The following RBFOX1 variants were observed in gnomAD, a reference collection of about 807,000 sequenced individuals.
The protein encoded by RBFOX1 is RNA binding fox-1 homolog 1.
In RBFOX1, 8 loss-of-function variants were observed where a neutral mutation model predicts 57.7. That is an observed-to-expected ratio of 0.14 (90% CI 0.08 to 0.25). The LOEUF is 0.25. Among genes scored for constraint, RBFOX1 ranks in the 10% least tolerant of loss-of-function variants. RBFOX1 has a pLI of 1.00. For synonymous variants in RBFOX1, 326 were observed against 222.4 expected, an observed-to-expected ratio of 1.47 and a Z score of -4.15; for missense variants, 611 against 548.5, an observed-to-expected ratio of 1.11 and a Z score of -1.14.
At chr16:6,931,304 T>C (rs540646346) in intron 3 of RBFOX1, among the ~76,000 whole-genome samples, 238 of 119,060 alleles carry the variant, frequency 2.0e-3, no homozygotes, top group African/African-American at 8.1e-3. Flanking sequence ...TGTCTATCTA[T>C]CTATCTATCT....
intron 2 of RBFOX1, among the ~76,000 whole-genome samples, chr16:5,580,072 G>A (rs879819639): frequency 6.6e-6 from 1 of 152,130 alleles, no homozygotes. Flanking sequence ...CGCCCAGCTG[G>A]CAGTTAATTC....
At chr16:7,336,003 G>A (rs1466259653) in intron 4 of RBFOX1, among the ~76,000 whole-genome samples, 1 of 152,156 alleles carries the variant, frequency 6.6e-6, no homozygotes, top group African/African-American at 2.4e-5. Context: ...TACAAATATT[G>A]GCTGCTTTCC....
At chr16:5,358,859 A>G (rs1217936163) in intron 1 of RBFOX1, among the ~76,000 whole-genome samples, 5 of 152,144 alleles carry the variant, frequency 3.3e-5, no homozygotes, top group Non-Finnish European at 5.9e-5. Context: ...ATTCAGTCAT[A>G]TTGACTATAG....
At chr16:6,522,645 C>T (rs150852863) in intron 2 of RBFOX1, among the ~76,000 whole-genome samples, 7 of 152,110 alleles carry the variant, frequency 4.6e-5, no homozygotes, top group South Asian at 2.1e-4. Flanking sequence ...CATTCAGTAC[C>T]GGGGTTAATA....
At chr16:5,777,484 G>T (rs561861221) in intron 3 of RBFOX1, among the ~76,000 whole-genome samples, 1 of 152,306 alleles carries the variant, frequency 6.6e-6, no homozygotes, top group South Asian at 2.1e-4. Context: ...TTGAGGGGTC[G>T]TTGTGAGAGT....
chr16:5,359,673 C>G (rs1596651228), intron 1 of RBFOX1, among the ~76,000 whole-genome samples: 1 of 152,102 alleles, frequency 6.6e-6, no homozygotes, highest in Non-Finnish European at 1.5e-5. Context: ...TAGACTTTTC[C>G]TATTGAGTCG....
At chr16:7,243,795 C>G (rs1166644814) in intron 4 of RBFOX1, among the ~76,000 whole-genome samples, 1 of 152,110 alleles carries the variant, frequency 6.6e-6, no homozygotes, top group Non-Finnish European at 1.5e-5. Context: ...AGTGATCCTC[C>G]TTGCCTAGCC....
rs926807015 is a variant in RBFOX1, at chr16:5,993,116, G to A, written c.351+125781G>A. Reference sequence around the variant, plus strand: ...TCCTGTCTAAAACTGAAAGAGATACGGAACAAGCCATGTCCTCAAGGTTGA... The same window carrying A: ...TCCTGTCTAAAACTGAAAGAGATACAGAACAAGCCATGTCCTCAAGGTTGA... On this transcript the variant is annotated intron_variant, in intron 4 of 19. Coordinates refer to the RBFOX1 transcript ENST00000641259. Among the ~76,000 whole-genome samples the A allele has an allele frequency of 4.6e-5, 7 of 152,166 alleles. No homozygotes were observed. In the East Asian group the frequency reaches 7.8e-4, roughly 17 times the overall value.
At chr16:7,040,143 C>T (rs1283452731) in intron 3 of RBFOX1, among the ~76,000 whole-genome samples, 1 of 152,022 alleles carries the variant, frequency 6.6e-6, no homozygotes, top group Non-Finnish European at 1.5e-5. Context: ...GCCTCAGCCT[C>T]CCGAGTAGCT....
At chr16:6,999,584 T>C (rs1352997485) in intron 3 of RBFOX1, among the ~76,000 whole-genome samples, 1 of 152,138 alleles carries the variant, frequency 6.6e-6, no homozygotes, top group East Asian at 1.9e-4. Context: ...TCATATGCTT[T>C]ACAGCAGATT....
chr16:5,804,338 T>C (rs866907080), intron 3 of RBFOX1, among the ~76,000 whole-genome samples: 12 of 152,200 alleles, frequency 7.9e-5, no homozygotes, highest in South Asian at 2.1e-4. Flanking sequence ...AATGAATGAA[T>C]ACACAAGTGA....
intron 3 of RBFOX1, among the ~76,000 whole-genome samples, chr16:6,741,658 G>C (rs989916789): frequency 6.9e-6 from 1 of 145,736 alleles, no homozygotes; most frequent in Admixed American, 6.9e-5. Context: ...GACAGAGCCA[G>C]ACTCAGTCTC....
chr16:5,468,498 C>T (rs565731416), intron 2 of RBFOX1, among the ~76,000 whole-genome samples: 29 of 152,250 alleles, frequency 1.9e-4, no homozygotes, highest in South Asian at 6.2e-4. Context: ...TTTGGCAGTT[C>T]CTCCAAAAGT....
chr16:5,493,528 C>T (rs748799009), intron 2 of RBFOX1, among the ~76,000 whole-genome samples: 15 of 152,314 alleles, frequency 9.8e-5, no homozygotes, highest in African/African-American at 2.4e-4. Flanking sequence ...CAAAACTTTG[C>T]GAAGTCCCTG....
At chr16:5,929,282 T>C (rs1044246142) in intron 4 of RBFOX1, among the ~76,000 whole-genome samples, 15 of 152,090 alleles carry the variant, frequency 9.9e-5, no homozygotes, top group Admixed American at 4.6e-4. Flanking sequence ...GTTCAAGTTC[T>C]TACTTAGGCT....
At chr16:6,472,388 T>A (rs2095196679) in intron 2 of RBFOX1, among the ~76,000 whole-genome samples, 1 of 152,166 alleles carries the variant, frequency 6.6e-6, no homozygotes, top group Non-Finnish European at 1.5e-5. Context: ...CTGTAAACCC[T>A]GAGTCAGGGA....
At chr16:5,986,676 A>C (rs1318132657) in intron 4 of RBFOX1, among the ~76,000 whole-genome samples, 1 of 152,166 alleles carries the variant, frequency 6.6e-6, no homozygotes, top group Non-Finnish European at 1.5e-5. Flanking sequence ...ACTTAGCATA[A>C]TTCCCTGAAG....
At chr16:5,507,779 G>C (rs562204073) in intron 2 of RBFOX1, among the ~76,000 whole-genome samples, 4 of 152,276 alleles carry the variant, frequency 2.6e-5, no homozygotes, top group Admixed American at 6.5e-5. Flanking sequence ...GGTGGGAGAG[G>C]TGCAGCCACA....
chr16:7,350,937 C>T (rs1194556889), intron 4 of RBFOX1, among the ~76,000 whole-genome samples: 5 of 152,194 alleles, frequency 3.3e-5, no homozygotes, highest in Non-Finnish European at 1.5e-5. Context: ...TACATGCAAA[C>T]CTGCCTGAGC....
Sources: gnomAD v4.1 joint callset for allele counts (sites outside exome capture counted in the v4.1 genomes callset) on GRCh38, gnomAD v4.1.1 for gene constraint, MANE v1.5 for transcripts, NCBI Gene and HGNC (gene_info 2026-07-23, HGNC 2026-07-21) for gene names.